Variants in CRYBG1 observed in about 807,000 individuals in gnomAD.
CRYBG1 encodes beta/gamma crystallin domain-containing protein 1.
Under a neutral mutation model 189.2 loss-of-function variants are expected in CRYBG1, and 139 were observed. That is an observed-to-expected ratio of 0.73 (90% CI 0.64 to 0.85). The LOEUF is 0.85. Among genes scored for constraint, CRYBG1 ranks in the 40% least tolerant of loss-of-function variants. CRYBG1 has a pLI of 0.00. For synonymous variants in CRYBG1, 1,023 were observed against 1,017.1 expected (o/e 1.01, Z -0.11); for missense variants, 2,611 against 2,675.8 (o/e 0.98, Z 0.53).
At chr6:106,410,081 C>G (rs1016882040) in intron 1 of CRYBG1, among the ~76,000 whole-genome samples, 1 of 152,168 alleles carries the variant, frequency 6.6e-6, no homozygotes, top group African/African-American at 2.4e-5. Flanking sequence ...TCAGAGTGAA[C>G]AGGCAACCTA....
intron 2 of CRYBG1, among the ~76,000 whole-genome samples, chr6:106,476,042 C>G (rs1326400604): frequency 2.0e-5 from 3 of 152,178 alleles, no homozygotes; most frequent in African/African-American, 7.2e-5. Context: ...TTACCACATT[C>G]ATATTTCATG....
At chr6:106,420,975 A>T (rs1771111607) in intron 1 of CRYBG1, among the ~76,000 whole-genome samples, 1 of 152,168 alleles carries the variant, frequency 6.6e-6, no homozygotes, top group Non-Finnish European at 1.5e-5. Flanking sequence ...CAGCGAGGAA[A>T]GTAAGAACCC....
chr6:106,463,536 A>G (rs949593670), intron 2 of CRYBG1, among the ~76,000 whole-genome samples: 2 of 152,360 alleles, frequency 1.3e-5, no homozygotes, highest in African/African-American at 4.8e-5. Context: ...TTAATGAAAT[A>G]GGTAATTGAT....
intron 1 of CRYBG1, among the ~76,000 whole-genome samples, chr6:106,439,821 C>T (rs766186470): frequency 6.6e-6 from 1 of 152,030 alleles, no homozygotes; most frequent in Non-Finnish European, 1.5e-5. Flanking sequence ...CCTAAAAAGC[C>T]TATGATTAAA....
chr6:106,479,638 T>C (rs9384616), intron 2 of CRYBG1, among the ~76,000 whole-genome samples: 21,839 of 152,170 alleles, frequency 0.14, 1,867 homozygotes, highest in East Asian at 0.25. Flanking sequence ...AAATAGTATC[T>C]CATTGTGGTT....
intron 1 of CRYBG1, among the ~76,000 whole-genome samples, chr6:106,390,965 CA>C (rs1252302455): frequency 1.3e-5 from 2 of 152,174 alleles, no homozygotes; most frequent in African/African-American, 4.8e-5. Flanking sequence ...GGACATGGGG[CA>C]AACATATGCT....
chr6:106,375,647 T>C (rs1193646204), intron 1 of CRYBG1, among the ~76,000 whole-genome samples: 1 of 152,196 alleles, frequency 6.6e-6, no homozygotes, highest in Non-Finnish European at 1.5e-5. Context: ...TCCAGTTGTG[T>C]GGAAACGGTC....
At chr6:106,396,175 T>C (rs1770604344) in intron 1 of CRYBG1, among the ~76,000 whole-genome samples, 1 of 152,240 alleles carries the variant, frequency 6.6e-6, no homozygotes, top group African/African-American at 2.4e-5. Flanking sequence ...TTATTTCTTA[T>C]GCCAGGGTAA....
intron 1 of CRYBG1, among the ~76,000 whole-genome samples, chr6:106,401,668 G>T (rs1770724027): frequency 8.8e-6 from 1 of 113,804 alleles, no homozygotes. Flanking sequence ...TTGGTTTTTT[G>T]TTCTTGCGAT....
intron 1 of CRYBG1, among the ~76,000 whole-genome samples, chr6:106,384,028 C>A (rs1421899383): frequency 6.6e-6 from 1 of 152,206 alleles, no homozygotes; most frequent in Non-Finnish European, 1.5e-5. Context: ...GTAGTGTTGG[C>A]CATGCAGGTA....
At position 106,572,013 on chromosome 6, in the gene CRYBG1, C is replaced by T; in HGVS notation, c.*3447C>T. ...ATTTTTATTTAAACAACATTAATTA[C>T]AGTCTTTCCTCGTGCGTGTCCTCTT... On this transcript the variant is annotated 3_prime_UTR_variant, in exon 22 of 22. Transcript: ENST00000633556. 3 of 1,611,988 alleles carry T rather than the reference C, an allele frequency of 1.9e-6. No homozygotes were observed. Among genetic ancestry groups the T allele is most frequent in the South Asian group, 1.1e-5 (1 of 91,024 alleles).
At chr6:106,539,144 T>C (rs783398) in intron 8 of CRYBG1, among the ~76,000 whole-genome samples, 95,418 of 151,992 alleles carry the variant, frequency 0.63, 30,219 homozygotes, top group East Asian at 0.89. Context: ...GATGGAACTT[T>C]GGAGCAATTA....
At chr6:106,505,525 G>A (rs747997581) in intron 2 of CRYBG1, among the ~76,000 whole-genome samples, 83 of 152,166 alleles carry the variant, frequency 5.5e-4, no homozygotes, top group Non-Finnish European at 8.8e-4. Flanking sequence ...CACCATGCCT[G>A]GCCTTGTTTT....
At chr6:106,495,092 A>G (rs369454513) in intron 2 of CRYBG1, among the ~76,000 whole-genome samples, 1 of 152,306 alleles carries the variant, frequency 6.6e-6, no homozygotes, top group East Asian at 1.9e-4. Context: ...ATTTTGGTTC[A>G]GTGTCACACC....
intron 1 of CRYBG1, among the ~76,000 whole-genome samples, chr6:106,391,772 T>A (rs1327250358): frequency 1.3e-5 from 2 of 152,154 alleles, no homozygotes; most frequent in Non-Finnish European, 2.9e-5. Flanking sequence ...TGGTGCCTGA[T>A]ATAAACTATA....
intron 1 of CRYBG1, among the ~76,000 whole-genome samples, chr6:106,394,333 G>A (rs761022139): frequency 1.3e-5 from 2 of 152,136 alleles, no homozygotes; most frequent in African/African-American, 2.4e-5. Flanking sequence ...TCTTACACTC[G>A]TGAGTGCTCC....
At chr6:106,363,292 CCTTGAGTTTTTTTATATTTTAGTGCAGT>C (rs1771917525) in intron 1 of CRYBG1, among the ~76,000 whole-genome samples, 5 of 151,346 alleles carry the variant, frequency 3.3e-5, no homozygotes, top group African/African-American at 1.2e-4. Context: ...TTGCTTCTCT[CCTTGAGTTTTTTTATATTTTAGTGCAGT>C]CTTGAAACAC....
At position 106,391,838 on chromosome 6, in the gene CRYBG1, G is replaced by A. The variant is rs529312526; in HGVS notation, c.173+30757G>A. ...TCTGCCAGCACACCACACTTGCTTCGTTCTTGCGCTCCAAATTCTTGTCAT... is the reference window on the plus strand; with the variant it reads ...TCTGCCAGCACACCACACTTGCTTCATTCTTGCGCTCCAAATTCTTGTCAT... On this transcript the variant is annotated intron_variant, in intron 1 of 21. Transcript: ENST00000633556. Among the ~76,000 whole-genome samples, 30 of 152,046 alleles carry A rather than the reference G, an allele frequency of 2.0e-4. No homozygotes were observed. In the East Asian group the frequency reaches 4.3e-3, roughly 22 times the overall value.
At chr6:106,518,973 G>GCACACA (rs1193845182) in intron 3 of CRYBG1, among the ~76,000 whole-genome samples, 158 bp from the exon 4 acceptor site, 46 of 41,740 alleles carry the variant, frequency 1.1e-3, no homozygotes, top group Middle Eastern at 0.024. Context: ...ACACATGTGT[G>GCACACA]CGCACACACA....
Sources: gnomAD v4.1 joint callset for allele counts (sites outside exome capture counted in the v4.1 genomes callset) on GRCh38, gnomAD v4.1.1 for gene constraint, MANE v1.5 for transcripts, NCBI Gene and HGNC (gene_info 2026-07-23, HGNC 2026-07-21) for gene names.